The following ST8SIA6 variants were observed in gnomAD, a reference collection of about 807,000 sequenced individuals.
The protein encoded by ST8SIA6 is alpha-2,8-sialyltransferase 8F.
A neutral mutation model predicts 33.6 loss-of-function variants in ST8SIA6; 39 were observed. That is an observed-to-expected ratio of 1.16 (90% CI 0.90 to 1.52). ST8SIA6 has a LOEUF of 1.52. Among genes scored for constraint, ST8SIA6 ranks in the 40% most tolerant of loss-of-function variants. The pLI is 0.00. For synonymous variants in ST8SIA6, 172 were observed against 167.2 expected, an observed-to-expected ratio of 1.03 and a Z score of -0.22; for missense variants, 441 against 443.8, an observed-to-expected ratio of 0.99 and a Z score of 0.06.
chr10:17,386,180 C>T (rs1286901386), intron 3 of ST8SIA6, among the ~76,000 whole-genome samples: 3 of 55,150 alleles, frequency 5.4e-5, no homozygotes, highest in East Asian at 3.2e-3. Flanking sequence ...GACTGTCACA[C>T]ACACACACAC....
At chr10:17,407,706 A>G (rs1851317390) in intron 2 of ST8SIA6, among the ~76,000 whole-genome samples, 1 of 152,196 alleles carries the variant, frequency 6.6e-6, no homozygotes, top group Non-Finnish European at 1.5e-5. Context: ...TGTCATATCT[A>G]CGAGCTCCCA....
At chr10:17,348,648 C>T (rs1848928110) in intron 4 of ST8SIA6, among the ~76,000 whole-genome samples, 1 of 152,214 alleles carries the variant, frequency 6.6e-6, no homozygotes. Flanking sequence ...CAGCGCGCAT[C>T]TCAGGCATTG....
intron 3 of ST8SIA6, among the ~76,000 whole-genome samples, chr10:17,371,355 G>T (rs1375844331): frequency 6.6e-6 from 1 of 152,108 alleles, no homozygotes; most frequent in Non-Finnish European, 1.5e-5. Context: ...TTTGAGAATT[G>T]TCAGTATGGT....
intron 3 of ST8SIA6, among the ~76,000 whole-genome samples, chr10:17,362,158 G>A (rs779379466): frequency 6.6e-6 from 1 of 152,090 alleles, no homozygotes; most frequent in Non-Finnish European, 1.5e-5. Flanking sequence ...TCCAACCAAT[G>A]CAATAAAGAA....
At chr10:17,443,793 T>C (rs1043349310) in intron 2 of ST8SIA6, among the ~76,000 whole-genome samples, 4 of 152,206 alleles carry the variant, frequency 2.6e-5, no homozygotes, top group African/African-American at 7.2e-5. Flanking sequence ...AAGGAAGCTA[T>C]AAAACAAGGC....
intron 4 of ST8SIA6, among the ~76,000 whole-genome samples, chr10:17,339,516 C>T (rs890276920): frequency 2.6e-5 from 4 of 152,152 alleles, no homozygotes; most frequent in African/African-American, 9.7e-5. Context: ...GATTTACTTA[C>T]CATCCAAATC....
At chr10:17,334,153 A>G (rs891216835) in intron 4 of ST8SIA6, among the ~76,000 whole-genome samples, 5 of 152,128 alleles carry the variant, frequency 3.3e-5, no homozygotes, top group East Asian at 1.9e-4. Flanking sequence ...TCATGAATAT[A>G]ACATTTTTAA....
At position 17,407,087 on chromosome 10, in the gene ST8SIA6, C is replaced by T. The variant is rs185143185; in HGVS notation, c.201-16467G>A. On this transcript the variant is annotated intron_variant, in intron 2 of 7. Transcript: ENST00000377602. ...CATTACAGGTGTGAACCACCACGTC[C>T]GGCTACTGAGGGCTAATCTTTTAAG... Among the ~76,000 whole-genome samples, 24 of 152,224 alleles carry T rather than the reference C, an allele frequency of 1.6e-4. 1 individual carries two copies. The East Asian group carries it at 2.1e-3, about 13-fold the overall frequency.
chr10:17,331,444 GATT>G lies in ST8SIA6; in HGVS notation c.483_485del (p.Glu161_Ile162delinsAsp). On this transcript the variant is annotated inframe_deletion, in exon 5 of 8. Transcript: ENST00000377602. ...TATGAAAAATGTTCTTCTTAATTGG[GATT>G]TCTTTTTTGCTTTCCACCTCGTAAC... The G allele has an allele frequency of 1.9e-6, 3 of 1,613,394 alleles. No individual in the cohort carries two copies. Among genetic ancestry groups the G allele is most frequent in the Non-Finnish European group, 2.5e-6 (3 of 1,179,740 alleles).
chr10:17,364,048 A>G (rs2131623123), intron 3 of ST8SIA6, among the ~76,000 whole-genome samples: 1 of 147,850 alleles, frequency 6.8e-6, no homozygotes, highest in Admixed American at 6.8e-5. Flanking sequence ...AGATTACTTT[A>G]TTACTACCAA....
chr10:17,330,201 T>C (rs1848251608), intron 5 of ST8SIA6, among the ~76,000 whole-genome samples: 2 of 152,120 alleles, frequency 1.3e-5, no homozygotes, highest in Non-Finnish European at 2.9e-5. Context: ...CATACATAAT[T>C]ATCAGGCCTA....
In ST8SIA6 at chr10:17,327,058, C is replaced by G. The variant is rs1158294263; in HGVS notation, c.591G>C (p.Lys197Asn). Residue 197 changes from lysine to asparagine, a missense_variant, in exon 6 of 8, where the codon AAG becomes AAC. Lys to Asn is a moderately conservative substitution (Grantham distance 94). Coordinates refer to ENST00000377602, the MANE Select transcript of ST8SIA6 (RefSeq NM_001004470.3). ...AVVGNGGILN[K>N]SLCGTEIDKS... ...TATCTATTTCAGTTCCACAGAGAGA[C>G]TTATTCAGAATTCCCCCATTTCCGA... 3 of 1,609,446 alleles carry G rather than the reference C, an allele frequency of 1.9e-6. No individual in the cohort carries two copies. The highest frequency in any genetic ancestry group is 1.3e-5 in the African/African-American group (1 of 74,690).
At chr10:17,366,268 G>A (rs1044791671) in intron 3 of ST8SIA6, among the ~76,000 whole-genome samples, 9 of 152,264 alleles carry the variant, frequency 5.9e-5, no homozygotes, top group South Asian at 2.1e-4. Flanking sequence ...ATGGGAAAAA[G>A]GGATCTGCAA....
At chr10:17,341,246 C>T (rs886646651) in intron 4 of ST8SIA6, among the ~76,000 whole-genome samples, 1 of 152,120 alleles carries the variant, frequency 6.6e-6, no homozygotes, top group Non-Finnish European at 1.5e-5. Context: ...GCCTAGTGTG[C>T]TTGGATCTGT....
intron 7 of ST8SIA6, 74 bp downstream of exon 7, chr10:17,322,991 A>G: frequency 7.5e-7 from 1 of 1,332,540 alleles, no homozygotes; most frequent in Non-Finnish European, 1.1e-6. Flanking sequence ...CAACAAGATT[A>G]GTGCTTAAGC....
intron 2 of ST8SIA6, among the ~76,000 whole-genome samples, chr10:17,426,191 G>A (rs1252631046): frequency 1.3e-5 from 2 of 152,068 alleles, no homozygotes; most frequent in Admixed American, 6.6e-5. Context: ...TGTGGCACGC[G>A]ATGTCCTCTT....
At chr10:17,332,764 C>T (rs1277066656) in intron 4 of ST8SIA6, among the ~76,000 whole-genome samples, 1 of 152,100 alleles carries the variant, frequency 6.6e-6, no homozygotes, top group East Asian at 1.9e-4. Context: ...TTCTGATGGG[C>T]CTGAGATGGT....
At chr10:17,427,902 A>G (rs1851986907) in intron 2 of ST8SIA6, among the ~76,000 whole-genome samples, 1 of 152,230 alleles carries the variant, frequency 6.6e-6, no homozygotes, top group Admixed American at 6.5e-5. Context: ...ATGGAAACAC[A>G]CTTGCTGATG....
At chr10:17,346,016 C>A (rs552775781) in intron 4 of ST8SIA6, among the ~76,000 whole-genome samples, 1 of 152,176 alleles carries the variant, frequency 6.6e-6, no homozygotes, top group Non-Finnish European at 1.5e-5. Flanking sequence ...ATTTCCAATG[C>A]GAGGTCATAG....
Sources: allele counts gnomAD v4.1 joint callset (sites outside exome capture counted in the v4.1 genomes callset), GRCh38; gene constraint gnomAD v4.1.1; transcripts MANE v1.5; gene names NCBI Gene and HGNC (gene_info 2026-07-23, HGNC 2026-07-21).